Variants in ZSWIM5 observed in about 807,000 individuals in gnomAD.
The protein encoded by ZSWIM5 is zinc finger SWIM domain-containing protein 5.
In ZSWIM5, 55 loss-of-function variants were observed where a neutral mutation model predicts 119.6. That is an observed-to-expected ratio of 0.46 (90% CI 0.37 to 0.58). ZSWIM5 has a LOEUF of 0.58. Among genes scored for constraint, ZSWIM5 ranks in the 20% least tolerant of loss-of-function variants. The probability of loss-of-function intolerance (pLI) is 0.00; values close to 1 mark genes in which losing one functional copy is unlikely to be tolerated. For synonymous variants in ZSWIM5, 537 were observed against 606.9 expected (o/e 0.88, Z 1.69); for missense variants, 1,193 against 1,512.8 (o/e 0.79, Z 3.51).
At chr1:45,097,695 A>G (rs1330001591) in intron 1 of ZSWIM5, among the ~76,000 whole-genome samples, 1 of 152,066 alleles carries the variant, frequency 6.6e-6, no homozygotes, top group Non-Finnish European at 1.5e-5. Context: ...CTTTCAACTC[A>G]ATGTGCTTCT....
At chr1:45,051,812 T>C (rs1314602152) in intron 4 of ZSWIM5, among the ~76,000 whole-genome samples, 1 of 152,114 alleles carries the variant, frequency 6.6e-6, no homozygotes, top group Non-Finnish European at 1.5e-5. Flanking sequence ...AAAACTGAGA[T>C]CATAAAAATA....
intron 2 of ZSWIM5, among the ~76,000 whole-genome samples, chr1:45,073,451 G>T (rs1192731339): frequency 6.6e-6 from 1 of 151,282 alleles, no homozygotes; most frequent in Non-Finnish European, 1.5e-5. Context: ...TAGAGGTAGA[G>T]TTTCACCATG....
chr1:45,140,233 G>A (rs1645718041), intron 1 of ZSWIM5, among the ~76,000 whole-genome samples: 2 of 152,274 alleles, frequency 1.3e-5, no homozygotes, highest in South Asian at 4.1e-4. Flanking sequence ...CTGTTTCTGT[G>A]AATAAAGTTT....
chr1:45,146,041 G>A (rs1645757572), intron 1 of ZSWIM5, among the ~76,000 whole-genome samples: 1 of 152,210 alleles, frequency 6.6e-6, no homozygotes, highest in African/African-American at 2.4e-5. Flanking sequence ...TGCAGAGGTG[G>A]CTCTGATGAG....
At chr1:45,198,535 A>G (rs1486939452) in intron 1 of ZSWIM5, among the ~76,000 whole-genome samples, 1 of 151,968 alleles carries the variant, frequency 6.6e-6, no homozygotes, top group Non-Finnish European at 1.5e-5. Context: ...GCATTAGCAG[A>G]AAAATGCCCA....
rs1164921724 is a variant in ZSWIM5, at chr1:45,182,403, C to CA, written c.595+23352dup. Among the ~76,000 whole-genome samples the CA allele has an allele frequency of 5.9e-4, 69 of 116,866 alleles. 6 individuals carry two copies. The highest frequency in any genetic ancestry group is 2.6e-3 in the African/African-American group (60 of 23,510). 76.7% of individuals were successfully genotyped at this position (116,866 alleles called of 152,430 possible). Reference sequence around the variant, plus strand: ...TGGGCGACAGAACGAGACTCCGTCTCAAAAAAACAAACAAACAAACAAACA... The same window carrying CA: ...TGGGCGACAGAACGAGACTCCGTCTCAAAAAAAACAAACAAACAAACAAACA... On this transcript the variant is annotated intron_variant, in intron 1 of 13. Coordinates refer to ENST00000359600, the MANE Select transcript of ZSWIM5 (RefSeq NM_020883.2).
At position 45,040,434 on chromosome 1, in the gene ZSWIM5, G is replaced by A. The variant is rs1394650750; in HGVS notation, c.1714C>T (p.Gln572Ter). The A allele has an allele frequency of 6.2e-7, 1 of 1,610,942 alleles. No homozygotes were observed. The highest frequency in any genetic ancestry group is 1.3e-5 in the African/African-American group (1 of 74,944). The change falls in exon 7 of 14, where the codon CAG (glutamine) becomes TAG (stop). Residue 572 changes from glutamine to a stop codon, truncating the protein, a stop_gained. Coordinates refer to ENST00000359600, the MANE Select transcript of ZSWIM5 (RefSeq NM_020883.2). LOFTEE classifies it high-confidence loss of function. ...TVAIINTLRLQQQRQLEIYKH... is the reference protein window; with the variant it reads ...TVAIINTLRL ...TAGATTTCCAGTTGCCGCTGCTGCT[G>A]CAACCTCAGAGTATTAATAATGGCC...
At chr1:45,020,880 T>A (rs1557738041) in intron 11 of ZSWIM5, 92 bp from the exon 12 acceptor site, 19 of 1,432,254 alleles carry the variant, frequency 1.3e-5, no homozygotes, top group Non-Finnish European at 1.3e-5. Flanking sequence ...ATGGCTGCTA[T>A]CAATTCATTG....
At chr1:45,067,860 A>G (rs191059064) in intron 2 of ZSWIM5, among the ~76,000 whole-genome samples, 6 of 152,362 alleles carry the variant, frequency 3.9e-5, no homozygotes, top group Non-Finnish European at 8.8e-5. Context: ...TAGTAACAGT[A>G]AATTAGACCT....
chr1:45,206,135 C>G lies in ZSWIM5; in HGVS notation c.216G>C (p.Thr72=), dbSNP rs1478979908. 1 of 1,611,064 alleles carries G rather than the reference C, an allele frequency of 6.2e-7. No homozygotes were observed. The highest frequency in any genetic ancestry group is 8.5e-7 in the Non-Finnish European group (1 of 1,179,246). ...PDSLLDCAAK[T]VAEKWAYERV... ...GTTCGTATGCCCACTTTTCCGCCAC[C>G]GTCTTGGCGGCGCAGTCCAGTAAGG... The change falls in exon 1 of 14, where the codon ACG becomes ACC. Residue 72 remains threonine (T), a synonymous_variant. Transcript: ENST00000359600.
At chr1:45,109,483 C>T (rs1350390012) in intron 1 of ZSWIM5, among the ~76,000 whole-genome samples, 3 of 152,154 alleles carry the variant, frequency 2.0e-5, no homozygotes, top group Non-Finnish European at 1.5e-5. Flanking sequence ...CGGTGGCTCA[C>T]GCCTGTAATC....
intron 1 of ZSWIM5, among the ~76,000 whole-genome samples, chr1:45,152,823 C>G (rs531705103): frequency 6.6e-6 from 1 of 152,152 alleles, no homozygotes; most frequent in South Asian, 2.1e-4. Flanking sequence ...AGACAACCTA[C>G]AGAATGGGAG....
intron 4 of ZSWIM5, 63 bp from the exon 5 acceptor site, chr1:45,051,316 GT>G (rs1240638089): frequency 9.9e-6 from 14 of 1,417,144 alleles, no homozygotes; most frequent in Non-Finnish European, 1.1e-5. Flanking sequence ...AAGCCTTAAT[GT>G]TTCAGTTTCA....
chr1:45,186,731 A>G (rs1338878345), intron 1 of ZSWIM5, among the ~76,000 whole-genome samples: 1 of 152,130 alleles, frequency 6.6e-6, no homozygotes, highest in East Asian at 1.9e-4. Flanking sequence ...CTGGGATTAC[A>G]GGCGTGCACC....
intron 1 of ZSWIM5, among the ~76,000 whole-genome samples, chr1:45,094,202 C>T (rs905765489): frequency 3.3e-5 from 5 of 151,624 alleles, no homozygotes; most frequent in East Asian, 1.9e-4. Context: ...ATTACAGGCA[C>T]GCGCCACCAC....
chr1:45,065,854 T>G (rs1645180001), intron 2 of ZSWIM5, among the ~76,000 whole-genome samples: 1 of 151,842 alleles, frequency 6.6e-6, no homozygotes, highest in Non-Finnish European at 1.5e-5. Flanking sequence ...TTTCTTTTTT[T>G]TTAATTCTAA....
chr1:45,182,386 A>G (rs950258843), intron 1 of ZSWIM5, among the ~76,000 whole-genome samples: 1 of 149,286 alleles, frequency 6.7e-6, no homozygotes, highest in African/African-American at 2.5e-5. Flanking sequence ...CCTGGGCGAC[A>G]GAACGAGACT....
intron 1 of ZSWIM5, among the ~76,000 whole-genome samples, chr1:45,097,676 A>G (rs1303163042): frequency 3.9e-5 from 6 of 152,164 alleles, no homozygotes; most frequent in Non-Finnish European, 7.3e-5. Context: ...AAATAAATTT[A>G]TAGCATTTCT....
At chr1:45,127,571 C>T (rs1645629139) in intron 1 of ZSWIM5, among the ~76,000 whole-genome samples, 1 of 151,412 alleles carries the variant, frequency 6.6e-6, no homozygotes, top group African/African-American at 2.4e-5. Context: ...GCTGGGCCTA[C>T]AGGTGCACAC....
Sources: gnomAD v4.1 joint callset for allele counts (sites outside exome capture counted in the v4.1 genomes callset) on GRCh38, gnomAD v4.1.1 for gene constraint, MANE v1.5 for transcripts, NCBI Gene and HGNC (gene_info 2026-07-23, HGNC 2026-07-21) for gene names.